ASTN2: variants seen among roughly 807,000 people sequenced by gnomAD.
ASTN2 encodes the protein astrotactin-2.
ASTN2 carries 54 observed loss-of-function variants against 139.8 expected under a neutral mutation model. That is an observed-to-expected ratio of 0.39 (90% CI 0.31 to 0.48). The LOEUF (loss-of-function observed/expected upper bound fraction) is 0.48, where lower values mean the gene tolerates loss of function less well. Among genes scored for constraint, ASTN2 ranks in the 20% least tolerant of loss-of-function variants. The probability of loss-of-function intolerance (pLI) is 0.95; values close to 1 mark genes in which losing one functional copy is unlikely to be tolerated. For synonymous variants in ASTN2, 756 were observed against 719.5 expected (o/e 1.05, Z -0.81); for missense variants, 1,565 against 1,725.1 (o/e 0.91, Z 1.64).
intron 20 of ASTN2, among the ~76,000 whole-genome samples, chr9:116,454,086 G>A (rs555722729): frequency 5.9e-4 from 90 of 152,260 alleles, no homozygotes; most frequent in African/African-American, 2.0e-3. Flanking sequence ...TCCAGCTAGC[G>A]CCAATCTTCT....
intron 2 of ASTN2, among the ~76,000 whole-genome samples, chr9:117,265,698 T>C (rs541066246): frequency 1.3e-5 from 2 of 152,180 alleles, no homozygotes; most frequent in African/African-American, 4.8e-5. Context: ...GATATTCTAA[T>C]ATGTTAAAGA....
intron 1 of ASTN2, among the ~76,000 whole-genome samples, chr9:117,308,969 C>T (rs1049751880): frequency 2.0e-5 from 3 of 152,168 alleles, no homozygotes; most frequent in Non-Finnish European, 4.4e-5. Flanking sequence ...AAATGACCTC[C>T]CCTTCCATAA....
At chr9:116,597,791 G>T (rs901665454) in intron 19 of ASTN2, among the ~76,000 whole-genome samples, 2 of 152,098 alleles carry the variant, frequency 1.3e-5, no homozygotes, top group Non-Finnish European at 2.9e-5. Flanking sequence ...TAGAGTTCCA[G>T]ATTTTCTGTG....
At chr9:116,897,476 G>A (rs373936548) in intron 10 of ASTN2, among the ~76,000 whole-genome samples, 11 of 152,180 alleles carry the variant, frequency 7.2e-5, no homozygotes, top group African/African-American at 1.2e-4. Context: ...ACTTGTTAGC[G>A]TTTAACTGTG....
At chr9:116,658,965 T>C (rs759514748) in intron 16 of ASTN2, among the ~76,000 whole-genome samples, 3 of 152,254 alleles carry the variant, frequency 2.0e-5, no homozygotes, top group African/African-American at 7.2e-5. Context: ...CTGCTGCCTA[T>C]TCCATAAGTG....
intron 2 of ASTN2, among the ~76,000 whole-genome samples, chr9:117,218,896 C>T (rs965910382): frequency 4.6e-5 from 7 of 152,136 alleles, no homozygotes; most frequent in African/African-American, 1.4e-4. Flanking sequence ...AGGTCATAGA[C>T]TTCTTTATCA....
intron 13 of ASTN2, among the ~76,000 whole-genome samples, chr9:116,742,472 C>A: frequency 6.6e-6 from 1 of 152,162 alleles, no homozygotes; most frequent in East Asian, 1.9e-4. Context: ...TTTTGGAAGT[C>A]AAACCACCCC....
At chr9:117,001,889 G>A (rs755606510) in intron 7 of ASTN2, among the ~76,000 whole-genome samples, 29 of 152,126 alleles carry the variant, frequency 1.9e-4, no homozygotes, top group Non-Finnish European at 3.8e-4. Flanking sequence ...ATCCATGAAG[G>A]TAAGAATATT....
At chr9:116,628,517 C>T (rs943854396) in intron 17 of ASTN2, among the ~76,000 whole-genome samples, 5 of 152,026 alleles carry the variant, frequency 3.3e-5, no homozygotes, top group African/African-American at 9.7e-5. Context: ...GAATTGACTG[C>T]CAGCAGGCTA....
At chr9:117,247,803 C>G (rs924362039) in intron 2 of ASTN2, among the ~76,000 whole-genome samples, 1 of 152,314 alleles carries the variant, frequency 6.6e-6, no homozygotes, top group East Asian at 1.9e-4. Context: ...GCTCCTTTTC[C>G]TAGAGGTGCT....
chr9:116,545,214 T>C (rs868710933), intron 19 of ASTN2, among the ~76,000 whole-genome samples: 5 of 151,992 alleles, frequency 3.3e-5, no homozygotes, highest in Admixed American at 2.0e-4. Context: ...CTCAAGAAAA[T>C]AGAGTTTGAG....
intron 19 of ASTN2, among the ~76,000 whole-genome samples, chr9:116,539,445 T>C (rs990789076): frequency 6.6e-6 from 1 of 151,762 alleles, no homozygotes; most frequent in African/African-American, 2.4e-5. Context: ...CAATAGTATA[T>C]GGAAAAAAAA....
intron 6 of ASTN2, among the ~76,000 whole-genome samples, chr9:117,037,804 A>T (rs73519394): frequency 0.025 from 3,734 of 152,176 alleles, 141 homozygotes; most frequent in African/African-American, 0.084. Flanking sequence ...CTACTCCTCC[A>T]TTGCCATTTT....
intron 7 of ASTN2, among the ~76,000 whole-genome samples, chr9:116,983,181 A>G (rs1012548925): frequency 6.6e-6 from 1 of 152,196 alleles, no homozygotes; most frequent in Admixed American, 6.5e-5. Context: ...CCTCAGAGCA[A>G]TAAACATGGA....
At position 116,933,979 on chromosome 9, in the gene ASTN2, C is replaced by CTTTTTTTTTTTTTTTTTTTTTTT. The variant is rs148724828; in HGVS notation, c.1889+41206_1889+41228dup. On this transcript the variant is annotated intron_variant, in intron 10 of 22. Coordinates refer to ENST00000313400, the MANE Select transcript of ASTN2 (RefSeq NM_001365068.1). ...ACCTCAGTTGTGCGAAGTGTTAGTC[C>CTTTTTTTTTTTTTTTTTTTTTTT]TTTTTTTTTTTTTTTTTTTTTTTCT... 2.6e-3 allele frequency among the ~76,000 whole-genome samples: 229 copies of CTTTTTTTTTTTTTTTTTTTTTTT among 86,854 alleles called. 39 individuals are homozygous for CTTTTTTTTTTTTTTTTTTTTTTT. Among genetic ancestry groups the CTTTTTTTTTTTTTTTTTTTTTTT allele is most frequent in the African/African-American group, 7.3e-3 (154 of 21,138 alleles). 57.0% of individuals were successfully genotyped at this position (86,854 alleles called of 152,430 possible). A position where few individuals can be genotyped will look rare whatever the true frequency, so the allele number is the denominator to read the frequency against.
intron 10 of ASTN2, among the ~76,000 whole-genome samples, chr9:116,954,823 A>G (rs545090880): frequency 6.6e-6 from 1 of 152,302 alleles, no homozygotes; most frequent in South Asian, 2.1e-4. Flanking sequence ...TGGTCCATTG[A>G]TCAGTAGCAT....
intron 10 of ASTN2, 128 bp downstream of exon 10, chr9:116,975,080 A>G (rs901434754): frequency 2.1e-6 from 2 of 967,750 alleles, no homozygotes; most frequent in Non-Finnish European, 2.9e-6. Context: ...AGCATGGCAT[A>G]TTTGACAGTG....
At chr9:116,889,720 T>TACACACAC (rs9299242) in intron 10 of ASTN2, among the ~76,000 whole-genome samples, 79 of 136,674 alleles carry the variant, frequency 5.8e-4, no homozygotes, top group Middle Eastern at 3.5e-3. Context: ...ACCTTGTCTC[T>TACACACAC]ACACACACAC....
At position 116,698,190 on chromosome 9, in the gene ASTN2, G is replaced by A. The variant is rs755561234; in HGVS notation, c.2806+27581C>T. ...AGCTGAGGAGCGGCGTCGGGACTTT[G>A]GAGAGAAGTTAACTCGTCTGCGGGA... On this transcript the variant is annotated intron_variant, in intron 16 of 22. Transcript: ENST00000313400. The surrounding 1 kb of genome is among the most constrained non-coding windows in gnomAD (Gnocchi z 4.4). 2 of 1,614,190 alleles carry A rather than the reference G, an allele frequency of 1.2e-6. No homozygotes were observed. The highest frequency in any genetic ancestry group is 1.1e-5 in the South Asian group (1 of 91,088).
Sources: allele counts gnomAD v4.1 joint callset (sites outside exome capture counted in the v4.1 genomes callset), GRCh38; gene constraint gnomAD v4.1.1; non-coding constraint Gnocchi (gnomAD v3.1); transcripts MANE v1.5; gene names NCBI Gene and HGNC (gene_info 2026-07-23, HGNC 2026-07-21).